Variants in KCNG1 observed in about 807,000 individuals in gnomAD.
The protein encoded by KCNG1 is potassium voltage-gated channel modifier subfamily G member 1.
KCNG1 carries 17 observed loss-of-function variants against 32.4 expected under a neutral mutation model. The observed-to-expected ratio is 0.52, with a 90% CI of 0.36 to 0.79. KCNG1 has a LOEUF of 0.79. Among genes scored for constraint, KCNG1 ranks in the 30% least tolerant of loss-of-function variants. The pLI is 0.00. For missense variants in KCNG1, 441 were observed against 735.2 expected, an observed-to-expected ratio of 0.60 and a Z score of 4.63; for synonymous variants, 358 against 339.9, an observed-to-expected ratio of 1.05 and a Z score of -0.59.
intron 1 of KCNG1, chr20:51,013,841 T>C (rs1016557274): frequency 6.6e-6 from 1 of 152,206 alleles, no homozygotes; most frequent in Non-Finnish European, 1.5e-5. Context: ...CTCTGCTGTT[T>C]CATCTTTGCT....
At chr20:51,011,828 G>A (rs1453225906) in intron 1 of KCNG1, among the ~76,000 whole-genome samples, 2 of 152,164 alleles carry the variant, frequency 1.3e-5, no homozygotes, top group Non-Finnish European at 2.9e-5. Context: ...ACAGAGTCTC[G>A]CTCTTTTGCC....
At chr20:51,020,336 G>A (rs942280393) in intron 1 of KCNG1, among the ~76,000 whole-genome samples, 1 of 152,134 alleles carries the variant, frequency 6.6e-6, no homozygotes, top group African/African-American at 2.4e-5. Context: ...CGGCAGGAAG[G>A]GAGACACCTG....
At position 51,004,456 on chromosome 20, in the gene KCNG1, G is replaced by C; in HGVS notation, c.1125C>G (p.Arg375=). Residue 375 remains arginine, a synonymous_variant, in exon 3 of 3, where the codon CGC becomes CGG. Coordinates refer to ENST00000371571, the MANE Select transcript of KCNG1 (RefSeq NM_002237.4). This position sits in a 1 kb window ranked among gnomAD's most constrained non-coding sequence, Gnocchi z 4.3. ...GGAAGAGCAGCAGGAGCCCGAACTC[G>C]CGGGTGCAGCGGCGGGCCGTGAGCC... ...TLGLTARRCT[R]EFGLLLLFLC... is the part of the protein sequence containing the mutation. The C allele has an allele frequency of 6.2e-7, 1 of 1,603,778 alleles. No individual in the cohort carries two copies. Among genetic ancestry groups the C allele is most frequent in the Non-Finnish European group, 8.5e-7 (1 of 1,174,656 alleles).
intron 1 of KCNG1, chr20:51,012,479 A>G (rs1460694941): frequency 2.0e-5 from 3 of 152,208 alleles, no homozygotes; most frequent in Non-Finnish European, 4.4e-5. Context: ...TAAAGCCTCA[A>G]AGAGGTGCTT....
Position 51,004,456 on chromosome 20 carries a change from G to A in KCNG1, c.1125C>T (p.Arg375=), listed in dbSNP as rs1270664807. 6.2e-7 allele frequency: 1 copy of A among 1,603,778 alleles called. No individual in the cohort carries two copies. Among genetic ancestry groups the A allele is most frequent in the Non-Finnish European group, 8.5e-7 (1 of 1,174,656 alleles). Residue 375 remains arginine (R), a synonymous_variant, in exon 3 of 3, where the codon CGC becomes CGT. Coordinates refer to ENST00000371571, the MANE Select transcript of KCNG1 (RefSeq NM_002237.4). The surrounding 1 kb of genome is among the most constrained non-coding windows in gnomAD (Gnocchi z 4.3). Reference sequence around the variant, plus strand: ...GGAAGAGCAGCAGGAGCCCGAACTCGCGGGTGCAGCGGCGGGCCGTGAGCC... The same window carrying A: ...GGAAGAGCAGCAGGAGCCCGAACTCACGGGTGCAGCGGCGGGCCGTGAGCC... ...TLGLTARRCT[R]EFGLLLLFLC...
chr20:51,013,965 C>T (rs1361947697), intron 1 of KCNG1: 2 of 152,202 alleles, frequency 1.3e-5, no homozygotes, highest in Non-Finnish European at 2.9e-5. Context: ...TGGCTGTAAT[C>T]ACCTCTTCTT....
rs931675728 is a variant in KCNG1 at position 51,015,350 on chromosome 20, G to T, written c.-26-4986C>A. ...GCTGAGTCAGAGGAAGCTGTTCCTGGCTGTGGGATTATGGACAGAAGAAGC... is the reference window on the plus strand; with the variant it reads ...GCTGAGTCAGAGGAAGCTGTTCCTGTCTGTGGGATTATGGACAGAAGAAGC... On this transcript the variant is annotated intron_variant, in intron 1 of 2. Transcript: ENST00000371571. This position sits in a 1 kb window ranked among gnomAD's most constrained non-coding sequence, Gnocchi z 4.4. Among the ~76,000 whole-genome samples the T allele has an allele frequency of 6.6e-6, 1 of 152,170 alleles. No individual in the cohort carries two copies. Among genetic ancestry groups the T allele is most frequent in the African/African-American group, 2.4e-5 (1 of 41,432 alleles).
intron 1 of KCNG1, among the ~76,000 whole-genome samples, chr20:51,018,486 C>G (rs556356889): frequency 2.0e-5 from 3 of 152,184 alleles, no homozygotes; most frequent in Non-Finnish European, 2.9e-5. Context: ...GGGGTTCCAA[C>G]AAGCTGCGGG....
intron 1 of KCNG1, among the ~76,000 whole-genome samples, chr20:51,012,921 G>C (rs980456623): frequency 6.6e-6 from 1 of 152,154 alleles, no homozygotes; most frequent in African/African-American, 2.4e-5. Flanking sequence ...ATTTGAGTTT[G>C]AGACCCTTAG....
chr20:51,003,999 G>C lies in KCNG1; in HGVS notation c.*40C>G, dbSNP rs771655584. On this transcript the variant is annotated 3_prime_UTR_variant, in exon 3 of 3. Coordinates refer to ENST00000371571, the MANE Select transcript of KCNG1 (RefSeq NM_002237.4). The stretch of plus-strand genomic sequence containing the variant: ...GTCTGCAGTGGATGGCAATGGCTTC[G>C]GGCCACAGATGGCAGGCAGGGCAGG... 3.1e-6 allele frequency: 5 copies of C among 1,588,716 alleles called. No individual in the cohort carries two copies. Among genetic ancestry groups the C allele is most frequent in the Non-Finnish European group, 4.3e-6 (5 of 1,165,972 alleles).
In KCNG1 at chr20:51,023,046, C is replaced by G. The variant is rs937073923; in HGVS notation, c.-203G>C. The stretch of plus-strand genomic sequence containing the variant: ...TTCGGTCCCGGGGCCCGGCTCAGCT[C>G]CCGCCCTCGGAGCCACGGCCGCCCC... On this transcript the variant is annotated 5_prime_UTR_variant, in exon 1 of 3. Transcript: ENST00000371571. 2.0e-5 allele frequency: 3 copies of G among 152,186 alleles called. No homozygotes were observed. Among genetic ancestry groups the G allele is most frequent in the Non-Finnish European group, 2.9e-5 (2 of 68,060 alleles). 9.4% of individuals were successfully genotyped at this position (152,186 alleles called of 1,614,324 possible).
At chr20:51,007,704 A>G (rs6126141) in intron 2 of KCNG1, among the ~76,000 whole-genome samples, 117,482 of 151,554 alleles carry the variant, frequency 0.78, 46,292 homozygotes, top group Middle Eastern at 0.87. Flanking sequence ...CAATCTGGGA[A>G]GTAGAGGTTG....
chr20:51,020,799 G>A (rs776976041), intron 1 of KCNG1, among the ~76,000 whole-genome samples: 2 of 152,170 alleles, frequency 1.3e-5, no homozygotes, highest in African/African-American at 2.4e-5. Context: ...GCTGGTTTGC[G>A]TCGCTTAGCC....
intron 1 of KCNG1, among the ~76,000 whole-genome samples, chr20:51,020,090 C>T (rs1988419807): frequency 6.6e-6 from 1 of 152,168 alleles, no homozygotes; most frequent in African/African-American, 2.4e-5. Context: ...CCTCCCTTGC[C>T]CCCAAATGAG....
intron 1 of KCNG1, among the ~76,000 whole-genome samples, chr20:51,016,075 T>A (rs1988270322): frequency 6.6e-6 from 1 of 152,106 alleles, no homozygotes; most frequent in South Asian, 2.1e-4. Context: ...TCCAGACCTG[T>A]AAGATAATAT....
intron 1 of KCNG1, among the ~76,000 whole-genome samples, chr20:51,014,642 C>G (rs1200526260): frequency 6.6e-6 from 1 of 152,228 alleles, no homozygotes; most frequent in Admixed American, 6.5e-5. Context: ...CGGCAGAGAA[C>G]AAGACAGACC....
intron 1 of KCNG1, among the ~76,000 whole-genome samples, chr20:51,013,543 T>A (rs1432098586): frequency 6.6e-6 from 1 of 151,916 alleles, no homozygotes; most frequent in Non-Finnish European, 1.5e-5. Flanking sequence ...AGGGAGGGTG[T>A]TTCACACTTA....
In KCNG1 at chr20:51,004,614, C is replaced by T. The variant is rs1317105849; in HGVS notation, c.967G>A (p.Ala323Thr). Reference protein sequence around the residue: ...YITLLVDGAAAGRRKPGAGNS... With the variant: ...YITLLVDGAATGRRKPGAGNS... Reference sequence around the variant, plus strand: ...CCCGCGCCGGGCTTGCGACGGCCTGCGGCGGCGCCGTCCACCAGCAGCGTG... The same window carrying T: ...CCCGCGCCGGGCTTGCGACGGCCTGTGGCGGCGCCGTCCACCAGCAGCGTG... The change falls in exon 3 of 3, where the codon GCA becomes ACA. Residue 323 changes from alanine to threonine, a missense_variant. By Grantham distance (58) the Ala-to-Thr change is moderately conservative. Coordinates refer to ENST00000371571, the MANE Select transcript of KCNG1 (RefSeq NM_002237.4). This position sits in a 1 kb window ranked among gnomAD's most constrained non-coding sequence, Gnocchi z 4.3. The T allele has an allele frequency of 8.2e-6, 13 of 1,585,666 alleles. No individual in the cohort carries two copies. The highest frequency in any genetic ancestry group is 1.1e-5 in the Non-Finnish European group (13 of 1,165,714).
Position 51,010,362 on chromosome 20 carries a change from G to T in KCNG1, c.-24C>A. On this transcript the variant is annotated splice_region_variant and 5_prime_UTR_variant, in exon 2 of 3. Coordinates refer to ENST00000371571, the MANE Select transcript of KCNG1 (RefSeq NM_002237.4). ...ATTTTGGGCCTTCACATCCCTCTCG[G>T]GCCTGTGGGGAGAAGGGAGGGAAGA... 1 of 1,499,260 alleles carries T rather than the reference G, an allele frequency of 6.7e-7. No individual in the cohort carries two copies. The highest frequency in any genetic ancestry group is 8.8e-7 in the Non-Finnish European group (1 of 1,132,234). 92.9% of individuals were successfully genotyped at this position (1,499,260 alleles called of 1,614,324 possible).
Sources: allele counts gnomAD v4.1 joint callset (sites outside exome capture counted in the v4.1 genomes callset), GRCh38; gene constraint gnomAD v4.1.1; non-coding constraint Gnocchi (gnomAD v3.1); transcripts MANE v1.5; gene names NCBI Gene and HGNC (gene_info 2026-07-23, HGNC 2026-07-21).